Variants in LAPTM5 observed in about 807,000 individuals in gnomAD.
LAPTM5 encodes the protein lysosomal protein transmembrane 5, also known as lysosomal-associated transmembrane protein 5.
LAPTM5 carries 11 observed loss-of-function variants against 30.1 expected under a neutral mutation model. The observed-to-expected ratio is 0.37, with a 90% CI of 0.23 to 0.60. The LOEUF is 0.60. Ranked by LOEUF, LAPTM5 falls within the 20% of genes least tolerant of loss-of-function variation. The pLI, the probability that LAPTM5 is intolerant of heterozygous loss-of-function variation, is 0.71. For missense variants in LAPTM5, 324 were observed against 332.5 expected (o/e 0.97, Z 0.20); for synonymous variants, 151 against 137.9 (o/e 1.10, Z -0.67).
At chr1:30,752,109 G>C (rs1264576503) in intron 1 of LAPTM5, among the ~76,000 whole-genome samples, 1 of 152,190 alleles carries the variant, frequency 6.6e-6, no homozygotes, top group Non-Finnish European at 1.5e-5. Context: ...GAGGCTGGAT[G>C]AGGGCAGGGC....
At chr1:30,747,560 TC>T (rs1409551518) in intron 1 of LAPTM5, among the ~76,000 whole-genome samples, 1 of 152,180 alleles carries the variant, frequency 6.6e-6, no homozygotes, top group African/African-American at 2.4e-5. Flanking sequence ...ACGCAGCCTT[TC>T]TTTCTTAATG....
chr1:30,750,655 C>G (rs1204093040), intron 1 of LAPTM5, among the ~76,000 whole-genome samples: 4 of 152,226 alleles, frequency 2.6e-5, no homozygotes, highest in Admixed American at 6.5e-5. Context: ...TCCCCCATCC[C>G]ATGGCTGCCA....
chr1:30,739,336 G>T lies in LAPTM5; in HGVS notation c.388-274C>A. On this transcript the variant is annotated intron_variant, in intron 4 of 7. Transcript: ENST00000294507. This position sits in a 1 kb window ranked among gnomAD's most constrained non-coding sequence, Gnocchi z 4.2. The stretch of plus-strand genomic sequence containing the variant: ...TCTTCAAGGACAACAGTTGGGGAGA[G>T]TGAGAAAAGCAGGTTTGGGAGACTG... The T allele has an allele frequency of 6.1e-6, 2 of 329,274 alleles. No individual in the cohort carries two copies. The highest frequency in any genetic ancestry group is 1.1e-5 in the Non-Finnish European group (2 of 175,992). The allele number at this position is 329,274 out of a possible 1,614,324, so 20.4% of individuals were successfully genotyped here. A position where few individuals can be genotyped will look rare whatever the true frequency, so the allele number is the denominator to read the frequency against.
At chr1:30,751,004 G>A (rs777833323) in intron 1 of LAPTM5, among the ~76,000 whole-genome samples, 4 of 152,350 alleles carry the variant, frequency 2.6e-5, no homozygotes, top group South Asian at 2.1e-4. Flanking sequence ...ACCAACGCTC[G>A]CCTCACAGTG....
At chr1:30,735,805 G>A (rs1334092581) in intron 6 of LAPTM5, among the ~76,000 whole-genome samples, 1 of 152,168 alleles carries the variant, frequency 6.6e-6, no homozygotes, top group Non-Finnish European at 1.5e-5. Context: ...ATCCCAAGGG[G>A]CAAGCTCAAG....
chr1:30,741,648 C>T lies in LAPTM5; in HGVS notation c.250G>A (p.Val84Ile), dbSNP rs183822203. The T allele has an allele frequency of 2.1e-5, 34 of 1,601,220 alleles. No homozygotes were observed. Among genetic ancestry groups the T allele is most frequent in the Middle Eastern group, 3.3e-4 (2 of 6,044 alleles). Residue 84 changes from valine to isoleucine, a missense_variant, in exon 3 of 8, where the codon GTA (valine) becomes ATA (isoleucine). Physicochemically the swap from Val to Ile is conservative, Grantham distance 29. Transcript: ENST00000294507. The part of the protein sequence containing the change: ...FIISLSLLIG[V>I]VKNREKYLLP... ...GGCTCCTGAGCCCTCACCTTGACTACGCCGATCAGTAGGCTCAGGCTGATG... is the reference window on the plus strand; with the variant it reads ...GGCTCCTGAGCCCTCACCTTGACTATGCCGATCAGTAGGCTCAGGCTGATG...
In LAPTM5 at chr1:30,737,628, G is replaced by A; in HGVS notation, c.582C>T (p.Ala194=). ...CCTTGAAGATAAGGACAGTGATGAA[G>A]GCGATGGAAAAGATGATCATCATCT... is the stretch of plus-strand genomic sequence containing the variant. ...FIKMMIIFSI[A]FITVLIFKVY... is the part of the protein sequence containing the mutation. The change falls in exon 6 of 8, where the codon GCC becomes GCT. Residue 194 remains alanine (A), a synonymous_variant. Transcript: ENST00000294507. 1 of 1,613,522 alleles carries A rather than the reference G, an allele frequency of 6.2e-7. No homozygotes were observed.
chr1:30,757,551 G>C (rs1640229232), intron 1 of LAPTM5, 108 bp downstream of exon 1: 2 of 1,139,338 alleles, frequency 1.8e-6, no homozygotes, highest in African/African-American at 3.1e-5. Flanking sequence ...CAGAGAGGTG[G>C]AGAGCAGGAG....
intron 3 of LAPTM5, among the ~76,000 whole-genome samples, chr1:30,740,503 G>A (rs1242010782): frequency 2.0e-5 from 3 of 150,770 alleles, no homozygotes; most frequent in Non-Finnish European, 4.4e-5. Flanking sequence ...CTGCCAGGAA[G>A]AGGCTGAAGT....
In LAPTM5 at chr1:30,742,537, A is replaced by G. The variant is rs138003202; in HGVS notation, c.100T>C (p.Leu34=). The G allele has an allele frequency of 9.9e-6, 16 of 1,613,426 alleles. No homozygotes were observed. In the African/African-American group the frequency reaches 2.0e-4, roughly 20 times the overall value. Reference sequence around the variant, plus strand: ...TCTACTGAGTGCTCGATGAACAACAAGACGCTCATGATCTGGAGGCAAAGC... The same window carrying G: ...TCTACTGAGTGCTCGATGAACAACAGGACGCTCATGATCTGGAGGCAAAGC... ...LAIYHVIMSV[L]LFIEHSVEVA... is the part of the protein sequence containing the mutation. The change falls in exon 2 of 8, where the codon TTG becomes CTG. Residue 34 remains leucine, a synonymous_variant. Transcript: ENST00000294507.
rs574405174 is a variant in LAPTM5 at position 30,746,971 on chromosome 1, T to C, written c.88-4422A>G. 3.3e-5 allele frequency among the ~76,000 whole-genome samples: 5 copies of C among 152,184 alleles called. No homozygotes were observed. The highest frequency in any genetic ancestry group is 3.3e-4 in the Admixed American group (5 of 15,282). On this transcript the variant is annotated intron_variant, in intron 1 of 7. Coordinates refer to ENST00000294507, the MANE Select transcript of LAPTM5 (RefSeq NM_006762.3). The surrounding 1 kb of genome is among the most constrained non-coding windows in gnomAD (Gnocchi z 4.0). ...AAACACTCTCTGAGCACCTACCGCCTCCAAACTCTGTCTAGAAAAGCCACT... is the reference window on the plus strand; with the variant it reads ...AAACACTCTCTGAGCACCTACCGCCCCCAAACTCTGTCTAGAAAAGCCACT...
chr1:30,733,477 A>T lies in LAPTM5; in HGVS notation c.*351T>A. The T allele has an allele frequency of 7.5e-7, 1 of 1,335,826 alleles. No individual in the cohort carries two copies. The allele number at this position is 1,335,826 out of a possible 1,614,324, so 82.7% of individuals were successfully genotyped here. ...TACTGAACTGACAAGTGGGTTTTTG[A>T]TTTGTCAGTTGCTTGGCTGAACTGA... On this transcript the variant is annotated 3_prime_UTR_variant, in exon 8 of 8. Transcript: ENST00000294507.
At chr1:30,748,754 A>C in intron 1 of LAPTM5, among the ~76,000 whole-genome samples, 1 of 150,530 alleles carries the variant, frequency 6.6e-6, no homozygotes, top group African/African-American at 2.5e-5. Flanking sequence ...TCTCCTCTTC[A>C]CTCTTCCGCA....
Position 30,737,701 on chromosome 1 carries a change from T to G in LAPTM5, c.511-2A>C. On this transcript the variant is annotated splice_acceptor_variant, in intron 5 of 7. Coordinates refer to ENST00000294507, the MANE Select transcript of LAPTM5 (RefSeq NM_006762.3). LOFTEE classifies it high-confidence loss of function. The stretch of plus-strand genomic sequence containing the variant: ...ATCCTCCTGGCTGGGGAGGTAATTC[T>G]GCAACAGATTTGGGGGCCACATCAA... 1 of 1,605,210 alleles carries G rather than the reference T, an allele frequency of 6.2e-7. No homozygotes were observed. Among genetic ancestry groups the G allele is most frequent in the Non-Finnish European group, 8.5e-7 (1 of 1,172,364 alleles).
chr1:30,743,591 A>G (rs1457597318), intron 1 of LAPTM5, among the ~76,000 whole-genome samples: 2 of 152,098 alleles, frequency 1.3e-5, no homozygotes, highest in Non-Finnish European at 2.9e-5. Context: ...CCCTTCCCCT[A>G]TGACATACAT....
Position 30,739,970 on chromosome 1 carries a change from C to T in LAPTM5, c.259-33G>A, listed in dbSNP as rs763837840. The T allele has an allele frequency of 6.6e-7, 1 of 1,526,594 alleles. No homozygotes were observed. 94.6% of individuals were successfully genotyped at this position (1,526,594 alleles called of 1,614,324 possible). A position where few individuals can be genotyped will look rare whatever the true frequency, so the allele number is the denominator to read the frequency against. On this transcript the variant is annotated intron_variant, in intron 3 of 7. Transcript: ENST00000294507. This position sits in a 1 kb window ranked among gnomAD's most constrained non-coding sequence, Gnocchi z 4.2. ...GTAGGCCCAGCACCGTCAAGTGTCCCCTGCATGCAGCCAACACTCCGCCAC... is the reference window on the plus strand; with the variant it reads ...GTAGGCCCAGCACCGTCAAGTGTCCTCTGCATGCAGCCAACACTCCGCCAC...
At chr1:30,737,087 G>A (rs1312827135) in intron 6 of LAPTM5, among the ~76,000 whole-genome samples, 1 of 152,122 alleles carries the variant, frequency 6.6e-6, no homozygotes. Flanking sequence ...CCATCACTCA[G>A]ACCTGGGACC....
chr1:30,743,112 C>T (rs548701905), intron 1 of LAPTM5, among the ~76,000 whole-genome samples: 61 of 152,276 alleles, frequency 4.0e-4, no homozygotes, highest in Non-Finnish European at 7.4e-4. Flanking sequence ...CTCCCATGGC[C>T]CCTCAGGGAA....
Position 30,733,453 on chromosome 1 carries a change from A to G in LAPTM5, c.*375T>C. On this transcript the variant is annotated 3_prime_UTR_variant, in exon 8 of 8. Coordinates refer to ENST00000294507, the MANE Select transcript of LAPTM5 (RefSeq NM_006762.3). Reference sequence around the variant, plus strand: ...GACTGTTGTTTGACCAAATTATTTTACTGAACTGACAAGTGGGTTTTTGAT... The same window carrying G: ...GACTGTTGTTTGACCAAATTATTTTGCTGAACTGACAAGTGGGTTTTTGAT... 1 of 1,208,552 alleles carries G rather than the reference A, an allele frequency of 8.3e-7. No individual in the cohort carries two copies. The highest frequency in any genetic ancestry group is 1.4e-5 in the South Asian group (1 of 70,174). 74.9% of individuals were successfully genotyped at this position (1,208,552 alleles called of 1,614,324 possible).
Sources: gnomAD v4.1 joint callset for allele counts (sites outside exome capture counted in the v4.1 genomes callset) on GRCh38, gnomAD v4.1.1 for gene constraint, Gnocchi (gnomAD v3.1) non-coding constraint, MANE v1.5 for transcripts, NCBI Gene and HGNC (gene_info 2026-07-23, HGNC 2026-07-21) for gene names.